Variants in ASCC3 observed in about 807,000 individuals in gnomAD.
ASCC3 encodes activating signal cointegrator 1 complex subunit 3.
ASCC3 carries 158 observed loss-of-function variants against 256.3 expected under a neutral mutation model. The ratio of observed to expected loss-of-function variants is 0.62; its 90% confidence interval spans 0.54 to 0.70. ASCC3 has a LOEUF of 0.70. ASCC3 is among the 30% of genes least tolerant of loss of function. ASCC3 has a pLI of 0.00. For missense variants in ASCC3, 2,259 were observed against 2,626.0 expected (o/e 0.86, Z 3.05); for synonymous variants, 948 against 883.4 (o/e 1.07, Z -1.30).
chr6:100,838,565 C>T (rs2114478730), intron 4 of ASCC3, among the ~76,000 whole-genome samples: 1 of 151,784 alleles, frequency 6.6e-6, no homozygotes, highest in South Asian at 2.1e-4. Flanking sequence ...ATAACTAATG[C>T]TCATTATTTA....
intron 13 of ASCC3, among the ~76,000 whole-genome samples, chr6:100,703,355 A>T (rs551730385): frequency 6.6e-6 from 1 of 152,160 alleles, no homozygotes; most frequent in Non-Finnish European, 1.5e-5. Context: ...AATCTTCAAG[A>T]TTAGGAGAGA....
chr6:100,666,075 C>G (rs1489149419), intron 14 of ASCC3, among the ~76,000 whole-genome samples: 1 of 152,094 alleles, frequency 6.6e-6, no homozygotes, highest in African/African-American at 2.4e-5. Context: ...AGCTTATAAA[C>G]TTTTGAAATT....
chr6:100,520,115 C>G (rs1297698126), intron 37 of ASCC3, among the ~76,000 whole-genome samples: 1 of 152,076 alleles, frequency 6.6e-6, no homozygotes, highest in Non-Finnish European at 1.5e-5. Flanking sequence ...CGTTTCTCTC[C>G]TGGAAAATTC....
At chr6:100,596,348 A>G (rs1772295947) in intron 34 of ASCC3, among the ~76,000 whole-genome samples, 1 of 152,170 alleles carries the variant, frequency 6.6e-6, no homozygotes, top group Non-Finnish European at 1.5e-5. Context: ...ATTCAAGGAT[A>G]TTATTATTTA....
chr6:100,521,855 G>A (rs971479515), intron 37 of ASCC3, among the ~76,000 whole-genome samples: 2 of 152,204 alleles, frequency 1.3e-5, no homozygotes, highest in Admixed American at 1.3e-4. Flanking sequence ...CTGAGCTTAG[G>A]ATGAGTTCCT....
chr6:100,766,546 A>C lies in ASCC3; in HGVS notation c.1737+19T>G, dbSNP rs1263805780. On this transcript the variant is annotated intron_variant, in intron 10 of 41. Coordinates refer to ENST00000369162, the MANE Select transcript of ASCC3 (RefSeq NM_006828.4). ...AAAAAAGAATGGTATTAAACAAAAA[A>C]TCTAGGTAAACAACATACCTGAGTT... The C allele has an allele frequency of 6.2e-7, 1 of 1,613,514 alleles. No homozygotes were observed.
intron 8 of ASCC3, among the ~76,000 whole-genome samples, chr6:100,778,248 T>A (rs1266127005): frequency 6.6e-6 from 1 of 152,072 alleles, no homozygotes; most frequent in Non-Finnish European, 1.5e-5. Context: ...TAAGTAGAGA[T>A]TTCAAACAGG....
At chr6:100,589,887 A>G (rs527822072) in intron 35 of ASCC3, 61 bp downstream of exon 35, 58 of 1,593,036 alleles carry the variant, frequency 3.6e-5, no homozygotes, top group African/African-American at 1.1e-4. Flanking sequence ...TATTAAAAGC[A>G]AAAGACCTGT....
At chr6:100,772,188 G>T (rs1298830930) in intron 8 of ASCC3, among the ~76,000 whole-genome samples, 1 of 152,084 alleles carries the variant, frequency 6.6e-6, no homozygotes, top group East Asian at 1.9e-4. Context: ...GCCCAATCTA[G>T]CAAGTTTTTA....
chr6:100,549,872 C>T (rs1046458114), intron 36 of ASCC3, among the ~76,000 whole-genome samples: 7 of 151,938 alleles, frequency 4.6e-5, no homozygotes, highest in African/African-American at 1.2e-4. Context: ...CCAGAAGACA[C>T]GGCATTTGTT....
At chr6:100,543,806 C>T (rs1160946677) in intron 36 of ASCC3, among the ~76,000 whole-genome samples, 1 of 151,920 alleles carries the variant, frequency 6.6e-6, no homozygotes, top group African/African-American at 2.4e-5. Flanking sequence ...TAAAACAAGT[C>T]GAAAAAATCA....
intron 32 of ASCC3, 67 bp from the exon 33 acceptor site, chr6:100,605,767 A>G: frequency 1.3e-6 from 2 of 1,528,362 alleles, no homozygotes; most frequent in Non-Finnish European, 1.8e-6. Context: ...TTTACTGATT[A>G]TGGCATGCTT....
intron 7 of ASCC3, 101 bp downstream of exon 7, chr6:100,799,330 A>G: frequency 7.6e-7 from 1 of 1,308,858 alleles, no homozygotes; most frequent in Non-Finnish European, 1.1e-6. Context: ...AATTTAGCAT[A>G]GTCAACTAGT....
intron 14 of ASCC3, among the ~76,000 whole-genome samples, chr6:100,675,514 T>A (rs1776965239): frequency 6.6e-6 from 1 of 152,168 alleles, no homozygotes; most frequent in Non-Finnish European, 1.5e-5. Context: ...TTAATTCCAG[T>A]TGCCATTGAT....
At chr6:100,736,695 T>C (rs1295607545) in intron 10 of ASCC3, among the ~76,000 whole-genome samples, 2 of 152,176 alleles carry the variant, frequency 1.3e-5, no homozygotes, top group African/African-American at 4.8e-5. Context: ...CTTGGCCTAA[T>C]GAGATGATAC....
At chr6:100,548,614 A>T (rs1272785664) in intron 36 of ASCC3, among the ~76,000 whole-genome samples, 1 of 151,990 alleles carries the variant, frequency 6.6e-6, no homozygotes, top group African/African-American at 2.4e-5. Flanking sequence ...CAAATTTGAT[A>T]TGGTGACAAG....
intron 11 of ASCC3, among the ~76,000 whole-genome samples, chr6:100,721,165 G>C (rs889387163): frequency 4.0e-5 from 6 of 151,652 alleles, no homozygotes; most frequent in Non-Finnish European, 8.9e-5. Flanking sequence ...GCTCAGGAAA[G>C]AAAGATGTAC....
At chr6:100,759,221 G>C (rs190665625) in intron 10 of ASCC3, among the ~76,000 whole-genome samples, 31 of 152,218 alleles carry the variant, frequency 2.0e-4, no homozygotes, top group African/African-American at 7.5e-4. Context: ...TTCTTCTGCT[G>C]TGCAGAAGCT....
intron 8 of ASCC3, among the ~76,000 whole-genome samples, chr6:100,781,084 G>C (rs1782424257): frequency 6.6e-6 from 1 of 152,112 alleles, no homozygotes; most frequent in African/African-American, 2.4e-5. Context: ...CAAATACTCA[G>C]TGATGTTGTT....
Sources: gnomAD v4.1 joint callset for allele counts (sites outside exome capture counted in the v4.1 genomes callset) on GRCh38, gnomAD v4.1.1 for gene constraint, MANE v1.5 for transcripts, NCBI Gene and HGNC (gene_info 2026-07-23, HGNC 2026-07-21) for gene names.